The following ATXN2 variants were observed in gnomAD, a reference collection of about 807,000 sequenced individuals.
ATXN2 encodes ataxin-2.
Under a neutral mutation model 138.6 loss-of-function variants are expected in ATXN2, and 37 were observed. The ratio of observed to expected loss-of-function variants is 0.27; its 90% CI spans 0.21 to 0.35. The LOEUF (loss-of-function observed/expected upper bound fraction) is 0.35. Among genes scored for constraint, ATXN2 ranks in the 10% least tolerant of loss-of-function variants. The pLI is 1.00. For synonymous variants in ATXN2, 549 were observed against 543.7 expected (o/e 1.01, Z -0.13); for missense variants, 1,216 against 1,480.3 (o/e 0.82, Z 2.93).
At chr12:111,581,722 C>G (rs915927017) in intron 1 of ATXN2, 1 of 654,462 alleles carries the variant, frequency 1.5e-6, no homozygotes. Flanking sequence ...TTGTGCGCAT[C>G]ATTACGACCA....
chr12:111,506,564 T>A (rs1453952654), intron 14 of ATXN2, among the ~76,000 whole-genome samples: 1 of 152,000 alleles, frequency 6.6e-6, no homozygotes, highest in African/African-American at 2.4e-5. Flanking sequence ...TTAAAAAAAA[T>A]AATGCTGAGG....
chr12:111,585,450 T>C (rs1884270082), intron 1 of ATXN2, among the ~76,000 whole-genome samples: 1 of 150,330 alleles, frequency 6.7e-6, no homozygotes, highest in African/African-American at 2.5e-5. Flanking sequence ...GAGGCAGAGG[T>C]TGCAGTGGGC....
At chr12:111,458,079 G>T (rs1230604337) in intron 21 of ATXN2, 3 of 152,206 alleles carry the variant, frequency 2.0e-5, no homozygotes, top group African/African-American at 7.2e-5. Context: ...CTGAAAGCCA[G>T]TTCTTTGTGA....
chr12:111,495,873 G>A (rs1269876511), intron 14 of ATXN2, among the ~76,000 whole-genome samples: 1 of 151,998 alleles, frequency 6.6e-6, no homozygotes, highest in East Asian at 1.9e-4. Flanking sequence ...ACGTGGCACA[G>A]TGGCTCATGT....
At chr12:111,501,513 C>T (rs531185931) in intron 14 of ATXN2, among the ~76,000 whole-genome samples, 1 of 152,208 alleles carries the variant, frequency 6.6e-6, no homozygotes, top group South Asian at 2.1e-4. Context: ...TCAGTATAGG[C>T]AAACCAATTT....
chr12:111,541,346 CTTTTTTT>C (rs62932861), intron 5 of ATXN2, among the ~76,000 whole-genome samples: 15 of 67,450 alleles, frequency 2.2e-4, no homozygotes, highest in African/African-American at 7.8e-4. Flanking sequence ...AGTTATAATT[CTTTTTTT>C]TTTTTTTTTT....
intron 14 of ATXN2, among the ~76,000 whole-genome samples, chr12:111,489,914 T>C (rs1877906190): frequency 6.6e-6 from 1 of 151,966 alleles, no homozygotes; most frequent in South Asian, 2.1e-4. Flanking sequence ...TTAAAAGCTA[T>C]GTTCAGGGCT....
At chr12:111,588,566 G>A (rs1367144180) in intron 1 of ATXN2, among the ~76,000 whole-genome samples, 1 of 151,510 alleles carries the variant, frequency 6.6e-6, no homozygotes, top group Non-Finnish European at 1.5e-5. Flanking sequence ...AGGTTGCAAT[G>A]AGCCGAGATC....
intron 14 of ATXN2, 137 bp downstream of exon 14, chr12:111,509,412 A>G: frequency 1.7e-6 from 1 of 595,114 alleles, no homozygotes; most frequent in Non-Finnish European, 3.0e-6. Flanking sequence ...GGCAAAGACC[A>G]CTTTAAAAAT....
Position 111,495,607 on chromosome 12 carries a change from A to G in ATXN2, c.1936-6827T>C, listed in dbSNP as rs1024371773. Among the ~76,000 whole-genome samples the G allele has an allele frequency of 2.6e-5, 4 of 152,234 alleles. No individual in the cohort carries two copies. In the East Asian group the frequency reaches 5.8e-4, roughly 22 times the overall value. ...CCAGATATATAAAGCAAACATTATT[A>G]GAGCAAAAAAGAGAAACAGACCTCA... is the stretch of plus-strand genomic sequence containing the variant. On this transcript the variant is annotated intron_variant, in intron 14 of 24. Coordinates refer to ENST00000673436, the MANE Select transcript of ATXN2 (RefSeq NM_001372574.1).
At chr12:111,550,704 A>G (rs977624627) in intron 5 of ATXN2, among the ~76,000 whole-genome samples, 1 of 152,212 alleles carries the variant, frequency 6.6e-6, no homozygotes, top group Non-Finnish European at 1.5e-5. Context: ...AATCAAAGAC[A>G]AGGACATTTG....
chr12:111,485,481 G>C (rs1877572432), intron 17 of ATXN2, 150 bp from the exon 18 acceptor site: 1 of 966,640 alleles, frequency 1.0e-6, no homozygotes, highest in African/African-American at 1.6e-5. Flanking sequence ...CATACCCACA[G>C]CTAAAAGGAA....
At chr12:111,529,353 TAGAA>T (rs386766375) in intron 5 of ATXN2, among the ~76,000 whole-genome samples, 31,223 of 152,096 alleles carry the variant, frequency 0.21, 3,312 homozygotes, top group East Asian at 0.33. Context: ...ACGTGACTAT[TAGAA>T]AAGTGTTACC....
At chr12:111,547,001 A>C (rs1566056546) in intron 5 of ATXN2, among the ~76,000 whole-genome samples, 2 of 152,380 alleles carry the variant, frequency 1.3e-5, no homozygotes, top group East Asian at 3.9e-4. Flanking sequence ...TATTCACTGT[A>C]CCGTAAGAAG....
chr12:111,515,442 T>A (rs1195351339), intron 10 of ATXN2, among the ~76,000 whole-genome samples: 2 of 152,198 alleles, frequency 1.3e-5, no homozygotes, highest in African/African-American at 4.8e-5. Context: ...AATGATGGAT[T>A]TAGCGCCAAA....
At chr12:111,529,059 A>G (rs756837605) in intron 5 of ATXN2, among the ~76,000 whole-genome samples, 1 of 152,018 alleles carries the variant, frequency 6.6e-6, no homozygotes, top group Non-Finnish European at 1.5e-5. Context: ...GGCTCAAGCA[A>G]TCCTCCCACC....
Position 111,453,588 on chromosome 12 carries a change from G to A in ATXN2, c.3439+89C>T, listed in dbSNP as rs955532239. 8 of 1,458,628 alleles carry A rather than the reference G, an allele frequency of 5.5e-6. No homozygotes were observed. The Admixed American group carries it at 2.1e-4, about 38-fold the overall frequency. 90.4% of individuals were successfully genotyped at this position (1,458,628 alleles called of 1,614,324 possible). A position where few individuals can be genotyped will look rare whatever the true frequency, so the allele number is the denominator to read the frequency against. On this transcript the variant is annotated intron_variant, in intron 24 of 24. Transcript: ENST00000673436. The surrounding 1 kb of genome is among the most constrained non-coding windows in gnomAD (Gnocchi z 5.4). ...GGTCTTGCTAGTTCTCAAATGCGGG[G>A]CTTGAAGCACTGGCCCTGCCTGCCA...
At chr12:111,581,330 C>G (rs1425473482) in intron 1 of ATXN2, 14 of 544,954 alleles carry the variant, frequency 2.6e-5, no homozygotes, top group Non-Finnish European at 4.1e-5. Flanking sequence ...GAGGGGCCCA[C>G]TGAGAACCAC....
At chr12:111,558,891 C>T (rs1408482247) in intron 1 of ATXN2, among the ~76,000 whole-genome samples, 1 of 150,754 alleles carries the variant, frequency 6.6e-6, no homozygotes, top group Non-Finnish European at 1.5e-5. Flanking sequence ...ACTATTAAAG[C>T]TGGGTGATAG....
Sources: allele counts gnomAD v4.1 joint callset (sites outside exome capture counted in the v4.1 genomes callset), GRCh38; gene constraint gnomAD v4.1.1; non-coding constraint Gnocchi (gnomAD v3.1); transcripts MANE v1.5; gene names NCBI Gene and HGNC (gene_info 2026-07-23, HGNC 2026-07-21).